TOMM20L: variants seen among roughly 807,000 people sequenced by gnomAD.
The protein encoded by TOMM20L is TOMM20-like protein 1.
Under a neutral mutation model 20.4 loss-of-function variants are expected in TOMM20L, and 19 were observed. That is an observed-to-expected ratio of 0.93 (90% confidence interval 0.65 to 1.36). The LOEUF (loss-of-function observed/expected upper bound fraction) is 1.36. Among genes scored for constraint, TOMM20L ranks in the 40% most tolerant of loss-of-function variants. The pLI is 0.00. For synonymous variants in TOMM20L, 75 were observed against 79.6 expected, an observed-to-expected ratio of 0.94 and a Z score of 0.30; for missense variants, 218 against 203.7, an observed-to-expected ratio of 1.07 and a Z score of -0.43.
intron 3 of TOMM20L, among the ~76,000 whole-genome samples, chr14:58,404,603 C>T (rs892651419): frequency 6.6e-6 from 1 of 151,712 alleles, no homozygotes. Flanking sequence ...ACAGCAATGA[C>T]GGAGATTTTT....
chr14:58,413,999 T>G, the TOMM20L span, among the ~76,000 whole-genome samples: 4 of 76,304 alleles, frequency 5.2e-5, no homozygotes, highest in South Asian at 1.6e-3. Flanking sequence ...AGAGTGAGAT[T>G]CCGTCTCAGA....
rs2036081194 is a variant in TOMM20L at position 58,407,601 on chromosome 14, G to A, written c.405+133G>A. 9 of 1,007,936 alleles carry A rather than the reference G, an allele frequency of 8.9e-6. No homozygotes were observed. The Admixed American group carries it at 1.8e-4, about 20-fold the overall frequency. 62.4% of individuals were successfully genotyped at this position (1,007,936 alleles called of 1,614,324 possible). A position where few individuals can be genotyped will look rare whatever the true frequency, so the allele number is the denominator to read the frequency against. On this transcript the variant is annotated intron_variant, in intron 4 of 4. Transcript: ENST00000360945. ...AATAAGTGAAATCTCTGAATTTTTGGCTGCTTTAACACGAAGCAAGCCTAT... is the reference window on the plus strand; with the variant it reads ...AATAAGTGAAATCTCTGAATTTTTGACTGCTTTAACACGAAGCAAGCCTAT...
At chr14:58,407,272 T>TATTC (rs1354136851) in intron 3 of TOMM20L, 54 bp from the exon 4 acceptor site, 1 of 1,515,252 alleles carries the variant, frequency 6.6e-7, no homozygotes, top group Non-Finnish European at 8.9e-7. Flanking sequence ...ATTTGTAGAA[T>TATTC]GTCTGTTTTA....
chr14:58,405,890 T>G (rs565888646), intron 3 of TOMM20L, among the ~76,000 whole-genome samples: 1 of 152,254 alleles, frequency 6.6e-6, no homozygotes, highest in Admixed American at 6.5e-5. Flanking sequence ...CTTTAATTCT[T>G]CATCAAACCC....
downstream of TOMM20L, among the ~76,000 whole-genome samples, chr14:58,412,807 A>C (rs939892281): frequency 6.6e-6 from 1 of 152,126 alleles, no homozygotes; most frequent in Non-Finnish European, 1.5e-5. Context: ...AAGCTGAGGC[A>C]GGAGAATCGC....
rs1485055402 is a variant in TOMM20L at position 58,396,191 on chromosome 14, T to G, written c.136+98T>G. 1.1e-5 allele frequency: 16 copies of G among 1,507,712 alleles called. No individual in the cohort carries two copies. The Admixed American group carries it at 3.4e-4, about 32-fold the overall frequency. The allele number at this position is 1,507,712 out of a possible 1,614,324, so 93.4% of individuals were successfully genotyped here. ...ACTGAGAGGCCGGGCCGTGAGTGCC[T>G]CAGCCTCTGCCGAGGGGCCCGCGGC... On this transcript the variant is annotated intron_variant, in intron 1 of 4. Transcript: ENST00000360945.
At chr14:58,401,609 C>T (rs2035993436) in intron 2 of TOMM20L, among the ~76,000 whole-genome samples, 1 of 151,044 alleles carries the variant, frequency 6.6e-6, no homozygotes, top group Non-Finnish European at 1.5e-5. Context: ...AGGCTCATTG[C>T]ATTTTAAAAA....
At chr14:58,404,099 G>GTGTGTGTATATATATATATATATA (rs1408980666) in intron 3 of TOMM20L, among the ~76,000 whole-genome samples, 485 of 22,912 alleles carry the variant, frequency 0.021, 82 homozygotes, top group Admixed American at 0.034. Context: ...ACATATATAT[G>GTGTGTGTATATATATATATATATA]TATATATATA....
At chr14:58,400,468 A>G (rs1003319733) in intron 2 of TOMM20L, among the ~76,000 whole-genome samples, 3 of 151,148 alleles carry the variant, frequency 2.0e-5, no homozygotes, top group Non-Finnish European at 2.9e-5. Flanking sequence ...GCTTGGCGCT[A>G]TGCCTTTGAT....
At chr14:58,409,679 C>T (rs1161697057), downstream of TOMM20L, among the ~76,000 whole-genome samples, 1 of 151,758 alleles carries the variant, frequency 6.6e-6, no homozygotes, top group Non-Finnish European at 1.5e-5. Flanking sequence ...CCTGAGTTCA[C>T]GCCATTCTCC....
At position 58,396,045 on chromosome 14, in the gene TOMM20L, A is replaced by G. The variant is rs372713133; in HGVS notation, c.88A>G (p.Asn30Asp). Reference protein sequence around the residue: ...FAFLGYCIYLNRKRRGDPAFK... With the variant: ...FAFLGYCIYLDRKRRGDPAFK... ...CTTCCTGGGCTATTGTATTTACCTC[A>G]ACCGGAAGCGGCGCGGGGACCCCGC... is the stretch of plus-strand genomic sequence containing the variant. Residue 30 changes from asparagine to aspartate, a missense_variant, in exon 1 of 5, where the codon AAC (asparagine) becomes GAC (aspartate). Coordinates refer to ENST00000360945, the MANE Select transcript of TOMM20L (RefSeq NM_207377.3). 14 of 1,425,280 alleles carry G rather than the reference A, an allele frequency of 9.8e-6. 1 individual carries two copies. The highest frequency in any genetic ancestry group is 6.8e-5 in the South Asian group (4 of 58,908). The allele number at this position is 1,425,280 out of a possible 1,614,324, so 88.3% of individuals were successfully genotyped here. A position where few individuals can be genotyped will look rare whatever the true frequency, so the allele number is the denominator to read the frequency against.
At chr14:58,413,923 C>T in the TOMM20L span, among the ~76,000 whole-genome samples, 1 of 135,742 alleles carries the variant, frequency 7.4e-6, no homozygotes, top group Admixed American at 8.5e-5. Flanking sequence ...AGAAGAATGG[C>T]GTGAACCCGG....
At chr14:58,414,008 GAAAAAAAAA>G in the TOMM20L span, among the ~76,000 whole-genome samples, 150 of 24,178 alleles carry the variant, frequency 6.2e-3, no homozygotes, top group African/African-American at 0.028. Flanking sequence ...TTCCGTCTCA[GAAAAAAAAA>G]AAAAAAAAAA....
At chr14:58,401,633 G>A (rs751872095) in intron 2 of TOMM20L, among the ~76,000 whole-genome samples, 5 of 152,046 alleles carry the variant, frequency 3.3e-5, no homozygotes, top group Non-Finnish European at 7.4e-5. Flanking sequence ...AATTAGTGGG[G>A]GAAAACAAAA....
At chr14:58,411,867 T>G (rs2036231231), downstream of TOMM20L, 1 of 1,604,820 alleles carries the variant, frequency 6.2e-7, no homozygotes, top group South Asian at 1.1e-5. Context: ...CACCTTACAT[T>G]TTTTTGCAAA....
At chr14:58,408,505 G>GT (rs2036103814) in intron 4 of TOMM20L, 24 bp from the exon 5 acceptor site, 3 of 1,607,302 alleles carry the variant, frequency 1.9e-6, no homozygotes, top group Non-Finnish European at 8.5e-7. Context: ...TGATTAGCAA[G>GT]TAACTATTTT....
chr14:58,396,301 G>C lies in TOMM20L; in HGVS notation c.140G>C (p.Arg47Thr). 1 of 1,613,266 alleles carries C rather than the reference G, an allele frequency of 6.2e-7. No individual in the cohort carries two copies. Among genetic ancestry groups the C allele is most frequent in the Non-Finnish European group, 8.5e-7 (1 of 1,179,826 alleles). ...ATGTGCCGTGTTGTGTTCGCAGAAA[G>C]AAGAGCAGAGCCTCAAAAGGCTGAG... ...PAFKRRLRDK[R>T]RAEPQKAEEQ... The change falls in exon 2 of 5, where the codon AGA (arginine) becomes ACA (threonine). Residue 47 changes from arginine (R) to threonine (T), a missense_variant. Transcript: ENST00000360945.
rs968093345 is a variant in TOMM20L, at chr14:58,407,375, C to G, written c.312C>G (p.Cys104Trp). ...ACCTCGGCAATGCCCTTTTAGTGTG[C>G]GAGCAACCACGGGAACTTCTGAAAG... ...IQHLGNALLV[C>W]EQPRELLKVF... The change falls in exon 4 of 5, where the codon TGC becomes TGG. Residue 104 changes from cysteine (C) to tryptophan (W), a missense_variant. Coordinates refer to ENST00000360945, the MANE Select transcript of TOMM20L (RefSeq NM_207377.3). The G allele has an allele frequency of 6.2e-7, 1 of 1,613,538 alleles. No homozygotes were observed. Among genetic ancestry groups the G allele is most frequent in the Admixed American group, 1.7e-5 (1 of 59,872 alleles).
intron 2 of TOMM20L, among the ~76,000 whole-genome samples, chr14:58,401,835 A>G (rs1413799013): frequency 6.6e-6 from 1 of 151,544 alleles, no homozygotes; most frequent in Non-Finnish European, 1.5e-5. Context: ...CTGAACACTC[A>G]CTCCCCTGCC....
Sources: gnomAD v4.1 joint callset for allele counts (sites outside exome capture counted in the v4.1 genomes callset) on GRCh38, gnomAD v4.1.1 for gene constraint, MANE v1.5 for transcripts, NCBI Gene and HGNC (gene_info 2026-07-23, HGNC 2026-07-21) for gene names.